The following EFHC1 variants were observed in gnomAD, a reference collection of about 807,000 sequenced individuals.
EFHC1 encodes EF-hand domain containing 1, also known as EF-hand domain-containing protein 1.
EFHC1 carries 53 observed loss-of-function variants against 69.9 expected under a neutral mutation model. That is an observed-to-expected ratio of 0.76 (90% CI 0.61 to 0.95). The LOEUF (loss-of-function observed/expected upper bound fraction) is 0.95, where lower values mean the gene tolerates loss of function less well. Ranked by LOEUF, EFHC1 falls within the 40% of genes least tolerant of loss-of-function variation. The pLI is 0.00. For missense variants in EFHC1, 739 were observed against 798.7 expected (o/e 0.93, Z 0.90); for synonymous variants, 256 against 278.4 (o/e 0.92, Z 0.80).
chr6:52,444,215 A>G (rs1423410976), intron 3 of EFHC1, among the ~76,000 whole-genome samples: 5 of 152,186 alleles, frequency 3.3e-5, no homozygotes, highest in Admixed American at 1.3e-4. Flanking sequence ...TTCTAAATAT[A>G]CAATCATGTC....
In EFHC1 at chr6:52,454,135, T is replaced by A; in HGVS notation, c.764T>A (p.Met255Lys). Residue 255 changes from methionine to lysine, a missense_variant, in exon 5 of 11, where the codon ATG becomes AAG. Physicochemically the swap from Met to Lys is moderately conservative, Grantham distance 95. Transcript: ENST00000371068. Reference protein sequence around the residue: ...FYAIWDDTDSMYGECRTYIIH... With the variant: ...FYAIWDDTDSKYGECRTYIIH... ...GCAATCTGGGATGATACAGACAGCA[T>A]GTATGGTGAATGTCGGACCTACATC... 1.2e-6 allele frequency: 2 copies of A among 1,614,062 alleles called. No homozygotes were observed. Among genetic ancestry groups the A allele is most frequent in the Non-Finnish European group, 1.7e-6 (2 of 1,179,992 alleles).
At chr6:52,481,504 A>ATCTCTCTCTCTCTCTCTCTCTCTC (rs60540358) in intron 9 of EFHC1, 1 of 143,556 alleles carries the variant, frequency 7.0e-6, no homozygotes, top group Admixed American at 6.9e-5. Flanking sequence ...AGACTGCATG[A>ATCTCTCTCTCTCTCTCTCTCTCTC]TCTCTCTCTC....
chr6:52,474,114 A>G (rs1319211434), intron 7 of EFHC1, among the ~76,000 whole-genome samples: 1 of 152,130 alleles, frequency 6.6e-6, no homozygotes, highest in East Asian at 1.9e-4. Context: ...CTTGAACCCT[A>G]TGTCATAGGG....
At chr6:52,423,691 TG>T in intron 1 of EFHC1, 11 of 565,470 alleles carry the variant, frequency 1.9e-5, no homozygotes, top group South Asian at 7.8e-5. Flanking sequence ...TTTTAGTTTT[TG>T]TAGAGACAGC....
At chr6:52,478,945 A>G (rs1283325767) in intron 7 of EFHC1, 92 bp from the exon 8 acceptor site, 1 of 1,189,198 alleles carries the variant, frequency 8.4e-7, no homozygotes, top group Non-Finnish European at 1.2e-6. Context: ...TGCTTCATTT[A>G]TATCCTATAC....
chr6:52,437,745 A>G (rs1764564501), intron 2 of EFHC1: 1 of 154,536 alleles, frequency 6.5e-6, no homozygotes, highest in Non-Finnish European at 1.4e-5. Context: ...TAAGGCAACC[A>G]GTTCTATGGG....
At chr6:52,426,214 C>T (rs12190967) in intron 2 of EFHC1, among the ~76,000 whole-genome samples, 5,760 of 152,264 alleles carry the variant, frequency 0.038, 148 homozygotes, top group Non-Finnish European at 0.056. Flanking sequence ...CTTCTCCCTA[C>T]CCACAGCCCC....
Position 52,452,667 on chromosome 6 carries a change from T to C in EFHC1, c.574-21T>C, listed in dbSNP as rs185499500. Reference sequence around the variant, plus strand: ...GAAAAGCTCCAAGAAAGATGATCATTGTTAACTTTCAATTATTTAGGTATT... The same window carrying C: ...GAAAAGCTCCAAGAAAGATGATCATCGTTAACTTTCAATTATTTAGGTATT... On this transcript the variant is annotated intron_variant, in intron 3 of 10. Coordinates refer to ENST00000371068, the MANE Select transcript of EFHC1 (RefSeq NM_018100.4). The C allele has an allele frequency of 1.1e-4, 182 of 1,613,336 alleles. 1 individual carries two copies. The Admixed American group carries it at 3.0e-3, about 27-fold the overall frequency.
Position 52,493,385 on chromosome 6 carries a change from T to TATATATATATA in EFHC1, c.*1044_*1045insATATATATATA, listed in dbSNP as rs1554262447. The TATATATATATA allele has an allele frequency of 5.7e-5, 12 of 210,620 alleles. No homozygotes were observed. The highest frequency in any genetic ancestry group is 2.4e-4 in the East Asian group (2 of 8,400). 13.0% of individuals were successfully genotyped at this position (210,620 alleles called of 1,614,324 possible). On this transcript the variant is annotated 3_prime_UTR_variant, in exon 11 of 11. Coordinates refer to ENST00000371068, the MANE Select transcript of EFHC1 (RefSeq NM_018100.4). The stretch of plus-strand genomic sequence containing the variant: ...CTCTACATATATATATATATATATA[T>TATATATATATA]TTTATATGTACACATTCATACACAC...
At chr6:52,433,018 C>G (rs1272953277) in intron 2 of EFHC1, among the ~76,000 whole-genome samples, 2 of 151,856 alleles carry the variant, frequency 1.3e-5, no homozygotes, top group Admixed American at 6.6e-5. Flanking sequence ...ATAAGCACAT[C>G]CATTGTTTCC....
intron 9 of EFHC1, chr6:52,487,642 G>C (rs1765814067): frequency 6.6e-6 from 1 of 152,124 alleles, no homozygotes; most frequent in Non-Finnish European, 1.5e-5. Flanking sequence ...GGAGGACTTT[G>C]CCAGGATGCT....
intron 1 of EFHC1, among the ~76,000 whole-genome samples, chr6:52,421,716 A>G (rs546044123): frequency 6.6e-6 from 1 of 152,362 alleles, no homozygotes; most frequent in South Asian, 2.1e-4. Context: ...TGTATTCTGA[A>G]TCTCTGTAAT....
chr6:52,444,032 TTTA>T (rs1243108928), intron 3 of EFHC1, among the ~76,000 whole-genome samples: 3 of 152,190 alleles, frequency 2.0e-5, no homozygotes, highest in Admixed American at 1.3e-4. Context: ...TCCTAGGCAT[TTTA>T]TTCTCTTTGA....
chr6:52,453,577 G>A (rs1362176145), intron 4 of EFHC1: 11 of 1,248,776 alleles, frequency 8.8e-6, no homozygotes, highest in Non-Finnish European at 1.1e-5. Flanking sequence ...TTATTATTTT[G>A]TATTTAAAGA....
At chr6:52,467,956 C>G (rs1765346813) in intron 6 of EFHC1, among the ~76,000 whole-genome samples, 1 of 152,106 alleles carries the variant, frequency 6.6e-6, no homozygotes, top group South Asian at 2.1e-4. Context: ...AAAGCTAGAG[C>G]CAAGCCAATG....
intron 6 of EFHC1, 171 bp from the exon 7 acceptor site, chr6:52,469,162 C>A: frequency 1.2e-6 from 1 of 809,716 alleles, no homozygotes; most frequent in East Asian, 2.8e-5. Flanking sequence ...GCAAAATCCA[C>A]AGAGGAAGGG....
chr6:52,434,669 G>T (rs777557941), intron 2 of EFHC1, among the ~76,000 whole-genome samples: 1 of 152,074 alleles, frequency 6.6e-6, no homozygotes, highest in African/African-American at 2.4e-5. Flanking sequence ...TGCTCTGCCC[G>T]TCTGAGTGGG....
intron 2 of EFHC1, among the ~76,000 whole-genome samples, chr6:52,428,626 A>G (rs1764353387): frequency 6.6e-6 from 1 of 152,200 alleles, no homozygotes; most frequent in South Asian, 2.1e-4. Context: ...TTGCAGTTGC[A>G]AATTGTGCTG....
rs1175210705 is a variant in EFHC1, at chr6:52,479,177, T to C, written c.1419T>C (p.Val473=). Residue 473 remains valine, a synonymous_variant, in exon 8 of 11, where the codon GTT becomes GTC. Transcript: ENST00000371068. The stretch of plus-strand genomic sequence containing the variant: ...AGTACCTTGGCAGGACTAAAGTTGT[T>C]AAACCATACTCTACAGTGGACAACC... ...GGKYLGRTKV[V]KPYSTVDNPV... 1 of 1,614,144 alleles carries C rather than the reference T, an allele frequency of 6.2e-7. No individual in the cohort carries two copies. Among genetic ancestry groups the C allele is most frequent in the South Asian group, 1.1e-5 (1 of 91,078 alleles).
Sources: allele counts gnomAD v4.1 joint callset (sites outside exome capture counted in the v4.1 genomes callset), GRCh38; gene constraint gnomAD v4.1.1; transcripts MANE v1.5; gene names NCBI Gene and HGNC (gene_info 2026-07-23, HGNC 2026-07-21).